Variants in FMN2 observed in about 807,000 individuals in gnomAD.
FMN2 encodes the protein formin 2.
A neutral mutation model predicts 142.3 loss-of-function variants in FMN2; 51 were observed. The ratio of observed to expected loss-of-function variants is 0.36; its 90% confidence interval spans 0.29 to 0.45. The LOEUF is 0.45. FMN2 is among the 20% of genes least tolerant of loss of function. FMN2 has a pLI of 1.00. For synonymous variants in FMN2, 882 were observed against 869.8 expected (o/e 1.01, Z -0.25); for missense variants, 1,936 against 2,122.8 (o/e 0.91, Z 1.73).
At chr1:240,159,972 T>TACACAC (rs767025880) in intron 2 of FMN2, among the ~76,000 whole-genome samples, 128 of 126,446 alleles carry the variant, frequency 1.0e-3, no homozygotes, top group Middle Eastern at 7.8e-3. Context: ...TATATATATA[T>TACACAC]ATACACACAC....
chr1:240,342,156 TA>T (rs1364339627), intron 13 of FMN2, among the ~76,000 whole-genome samples: 1 of 152,196 alleles, frequency 6.6e-6, no homozygotes, highest in African/African-American at 2.4e-5. Flanking sequence ...TCCAAGGAGA[TA>T]TTTACATTTT....
intron 2 of FMN2, among the ~76,000 whole-genome samples, chr1:240,156,915 A>G (rs760976709): frequency 2.6e-5 from 4 of 152,216 alleles, no homozygotes; most frequent in Non-Finnish European, 4.4e-5. Context: ...AGAAACAAAG[A>G]GGATTTACGT....
chr1:240,247,839 T>G (rs572098300), intron 6 of FMN2, among the ~76,000 whole-genome samples: 33 of 152,308 alleles, frequency 2.2e-4, no homozygotes, highest in South Asian at 1.9e-3. Flanking sequence ...TTATACATAT[T>G]TATGATACAT....
intron 7 of FMN2, among the ~76,000 whole-genome samples, chr1:240,265,970 C>G (rs1195985255): frequency 8.4e-6 from 1 of 118,898 alleles, no homozygotes; most frequent in Non-Finnish European, 1.7e-5. Context: ...TGTGATAAGT[C>G]TTTGTCCATG....
chr1:240,225,667 C>T (rs558682214), intron 6 of FMN2, among the ~76,000 whole-genome samples: 2 of 152,224 alleles, frequency 1.3e-5, no homozygotes, highest in South Asian at 2.1e-4. Flanking sequence ...ATGTAAAGAA[C>T]AGGAAAGAGT....
intron 14 of FMN2, among the ~76,000 whole-genome samples, chr1:240,357,558 G>A (rs1004049009): frequency 6.6e-6 from 1 of 151,636 alleles, no homozygotes; most frequent in Non-Finnish European, 1.5e-5. Context: ...GGATTGCCCA[G>A]TCATACTAAC....
intron 6 of FMN2, among the ~76,000 whole-genome samples, chr1:240,214,767 G>T (rs1202729281): frequency 6.6e-6 from 1 of 151,916 alleles, no homozygotes; most frequent in Non-Finnish European, 1.5e-5. Context: ...ATCAAATAAG[G>T]ATTAAAAAGT....
intron 6 of FMN2, among the ~76,000 whole-genome samples, chr1:240,214,897 AT>A (rs1303081929): frequency 6.6e-6 from 1 of 152,134 alleles, no homozygotes; most frequent in East Asian, 1.9e-4. Context: ...GAAATTCTGA[AT>A]CTATAAAAAA....
rs553801358 is a variant in FMN2, at chr1:240,360,654, G to C, written c.4858+4746G>C. ...TACTTGATTATTAGAGGAATGATTG[G>C]GGGGTGAGAGAGTTTACGTATGTTT... On this transcript the variant is annotated intron_variant, in intron 14 of 17. Coordinates refer to ENST00000319653, the MANE Select transcript of FMN2 (RefSeq NM_020066.5). 3.3e-5 allele frequency among the ~76,000 whole-genome samples: 5 copies of C among 152,240 alleles called. No individual in the cohort carries two copies. In the South Asian group the frequency reaches 8.3e-4, roughly 25 times the overall value.
chr1:240,178,424 T>TC (rs34108133), intron 3 of FMN2, among the ~76,000 whole-genome samples: 32,986 of 149,962 alleles, frequency 0.22, 3,904 homozygotes, highest in African/African-American at 0.29. Context: ...TTTGTCCTTT[T>TC]TTCCCCCCTT....
At chr1:240,349,851 T>C (rs1672031265) in intron 13 of FMN2, among the ~76,000 whole-genome samples, 2 of 152,214 alleles carry the variant, frequency 1.3e-5, no homozygotes, top group Non-Finnish European at 2.9e-5. Flanking sequence ...TTTTAATATT[T>C]GGATTTGACT....
chr1:240,228,883 CAGAA>C (rs1363072910), intron 6 of FMN2, among the ~76,000 whole-genome samples: 4 of 152,006 alleles, frequency 2.6e-5, no homozygotes, highest in African/African-American at 4.8e-5. Context: ...TCATTAATCT[CAGAA>C]GGAGAAATTT....
intron 4 of FMN2, 70 bp from the exon 5 acceptor site, chr1:240,206,727 TTG>T: frequency 6.7e-7 from 1 of 1,500,722 alleles, no homozygotes; most frequent in Non-Finnish European, 9.0e-7. Context: ...AGATATAATT[TTG>T]CTTAATTTTT....
intron 8 of FMN2, among the ~76,000 whole-genome samples, chr1:240,297,328 G>A (rs1670020256): frequency 6.6e-6 from 1 of 152,082 alleles, no homozygotes; most frequent in Non-Finnish European, 1.5e-5. Flanking sequence ...GGGTGTGGTG[G>A]CTCATGCCTG....
At chr1:240,439,279 A>AAAAAGAAAG (rs555074808) in intron 16 of FMN2, among the ~76,000 whole-genome samples, 5 of 124,722 alleles carry the variant, frequency 4.0e-5, no homozygotes, top group Non-Finnish European at 3.2e-5. Flanking sequence ...TCAAAAAAAA[A>AAAAAGAAAG]AAAGAAAGAA....
chr1:240,162,182 G>A (rs1572005133), intron 2 of FMN2, among the ~76,000 whole-genome samples: 1 of 151,176 alleles, frequency 6.6e-6, no homozygotes, highest in East Asian at 1.9e-4. Flanking sequence ...GAAAGCAAAA[G>A]CAGCTGGGCA....
chr1:240,231,046 TCCC>T (rs1667511067), intron 6 of FMN2, among the ~76,000 whole-genome samples: 1 of 131,706 alleles, frequency 7.6e-6, no homozygotes, highest in African/African-American at 3.2e-5. Flanking sequence ...ATTGCAGTAT[TCCC>T]CCAGTGATGC....
In FMN2 at chr1:240,318,586, A is replaced by G. The variant is rs139744814; in HGVS notation, c.4216-10490A>G. Among the ~76,000 whole-genome samples the G allele has an allele frequency of 6.3e-3, 960 of 152,068 alleles. 43 individuals carry two copies. Among genetic ancestry groups the G allele is most frequent in the Admixed American group, 0.057 (874 of 15,266 alleles). ...TCTTTCCACCCTTCATTGCTTCCCT[A>G]TGTTTGTTTGTACCATTATGTCCAG... On this transcript the variant is annotated intron_variant, in intron 8 of 17. Coordinates refer to ENST00000319653, the MANE Select transcript of FMN2 (RefSeq NM_020066.5).
intron 6 of FMN2, among the ~76,000 whole-genome samples, chr1:240,228,328 A>AAAAAAG (rs1558380489): frequency 1.1e-4 from 7 of 66,372 alleles, no homozygotes; most frequent in Non-Finnish European, 1.6e-4. Context: ...AAAAAAAAAA[A>AAAAAAG]AAAAGAAAAA....
Sources: allele counts gnomAD v4.1 joint callset (sites outside exome capture counted in the v4.1 genomes callset), GRCh38; gene constraint gnomAD v4.1.1; transcripts MANE v1.5; gene names NCBI Gene and HGNC (gene_info 2026-07-23, HGNC 2026-07-21).